PRSS12: variants seen among roughly 807,000 people sequenced by gnomAD.
PRSS12 encodes serine protease 12.
PRSS12 carries 85 observed loss-of-function variants against 104.4 expected under a neutral mutation model. The observed-to-expected ratio is 0.81, with a 90% CI of 0.68 to 0.98. PRSS12 has a LOEUF of 0.98. PRSS12 is among the 50% of genes least tolerant of loss of function. The probability of loss-of-function intolerance (pLI) is 0.00; values close to 1 mark genes in which losing one functional copy is unlikely to be tolerated. For missense variants in PRSS12, 1,141 were observed against 1,139.2 expected, an observed-to-expected ratio of 1.00 and a Z score of -0.02; for synonymous variants, 454 against 425.2, an observed-to-expected ratio of 1.07 and a Z score of -0.83.
intron 11 of PRSS12, among the ~76,000 whole-genome samples, chr4:118,294,157 A>AT (rs202036949): frequency 6.6e-6 from 1 of 152,234 alleles, no homozygotes; most frequent in African/African-American, 2.4e-5. Context: ...TGTGGTACAC[A>AT]TTTTTTTAAA....
intron 11 of PRSS12, among the ~76,000 whole-genome samples, chr4:118,292,377 C>G (rs577902680): frequency 3.0e-4 from 46 of 152,316 alleles, no homozygotes; most frequent in African/African-American, 1.0e-3. Flanking sequence ...AGATTTAGAG[C>G]AGGGGCTCAG....
intron 8 of PRSS12, among the ~76,000 whole-genome samples, chr4:118,301,427 G>A (rs948123117): frequency 1.3e-5 from 2 of 152,096 alleles, no homozygotes; most frequent in African/African-American, 4.8e-5. Flanking sequence ...AGCCACTGCT[G>A]CAGTGTCACT....
Position 118,352,240 on chromosome 4 carries a change from C to G in PRSS12, c.481G>C (p.Gly161Arg). 1 of 1,612,048 alleles carries G rather than the reference C, an allele frequency of 6.2e-7. No homozygotes were observed. ...YGDARGKVDW[G>R]YCDCRHGSVR... ...TAACCGTGTCTGCAGTCGCAGTAGC[C>G]CCAGTCCACCTTGCCACGGGCGTCT... Residue 161 changes from glycine (G) to arginine (R), a missense_variant, in exon 1 of 13, where the codon GGC becomes CGC. Physicochemically the swap from Gly to Arg is moderately radical, Grantham distance 125. Transcript: ENST00000296498.
chr4:118,321,551 G>A (rs1369065988), intron 4 of PRSS12, among the ~76,000 whole-genome samples: 2 of 152,158 alleles, frequency 1.3e-5, no homozygotes, highest in Non-Finnish European at 2.9e-5. Context: ...AACTTGCAGG[G>A]TTGTAGGAAT....
chr4:118,320,771 A>G (rs1355744669), intron 4 of PRSS12, among the ~76,000 whole-genome samples: 1 of 152,126 alleles, frequency 6.6e-6, no homozygotes, highest in African/African-American at 2.4e-5. Context: ...AATAATAATA[A>G]CAACAATATC....
rs1378193558 is a variant in PRSS12, at chr4:118,295,828, T to C, written c.1866A>G (p.Arg622=). ...KESLSSVCGL[R]LLHRRQKRII... is the part of the protein sequence containing the mutation. Reference sequence around the variant, plus strand: ...TCCGCTTCTGCCGACGGTGCAGTAATCTCAAGCCACAAACAGATGAGAGGG... The same window carrying C: ...TCCGCTTCTGCCGACGGTGCAGTAACCTCAAGCCACAAACAGATGAGAGGG... The change falls in exon 10 of 13, where the codon AGA becomes AGG. Residue 622 remains arginine (R), a synonymous_variant. Transcript: ENST00000296498. 6.2e-7 allele frequency: 1 copy of C among 1,614,098 alleles called. No homozygotes were observed. Among genetic ancestry groups the C allele is most frequent in the Admixed American group, 1.7e-5 (1 of 60,032 alleles).
rs559960991 is a variant in PRSS12, at chr4:118,287,448, C to A, written c.2040-4337G>T. On this transcript the variant is annotated intron_variant, in intron 11 of 12. Coordinates refer to ENST00000296498, the MANE Select transcript of PRSS12 (RefSeq NM_003619.4). The stretch of plus-strand genomic sequence containing the variant: ...TATAGGTACTGCACCCGGCCAAGTA[C>A]CTATACTTTTAAAGTTGTCCTAATT... Among the ~76,000 whole-genome samples, 7 of 152,290 alleles carry A rather than the reference C, an allele frequency of 4.6e-5. No individual in the cohort carries two copies. The South Asian group carries it at 1.0e-3, about 23-fold the overall frequency.
chr4:118,321,484 GTTACTAAAA>G (rs1164328103), intron 4 of PRSS12, among the ~76,000 whole-genome samples: 2 of 152,180 alleles, frequency 1.3e-5, no homozygotes, highest in African/African-American at 4.8e-5. Context: ...CCTTGGGGAA[GTTACTAAAA>G]CCTTCCAGGC....
At position 118,322,861 on chromosome 4, in the gene PRSS12, A is replaced by C. The variant is rs1578925798; in HGVS notation, c.972-4305T>G. 3.9e-5 allele frequency among the ~76,000 whole-genome samples: 6 copies of C among 151,990 alleles called. No homozygotes were observed. In the East Asian group the frequency reaches 1.2e-3, roughly 29 times the overall value. On this transcript the variant is annotated intron_variant, in intron 4 of 12. Coordinates refer to ENST00000296498, the MANE Select transcript of PRSS12 (RefSeq NM_003619.4). Reference sequence around the variant, plus strand: ...ACCTGTGCACCAAATCAGGTATGCTATCTGTTTTTATATTGCTTGTGAGCC... The same window carrying C: ...ACCTGTGCACCAAATCAGGTATGCTCTCTGTTTTTATATTGCTTGTGAGCC...
chr4:118,298,943 A>C lies in PRSS12; in HGVS notation c.1632-5T>G, dbSNP rs748483554. ...GTTCTTGCTCTGGCAGGACCCCTGA[A>C]GACAGAACATTCTTAATCATGTGAA... On this transcript the variant is annotated splice_region_variant and splice_polypyrimidine_tract_variant and intron_variant, in intron 8 of 12. Transcript: ENST00000296498. 1.9e-6 allele frequency: 3 copies of C among 1,614,028 alleles called. No individual in the cohort carries two copies. The highest frequency in any genetic ancestry group is 2.5e-6 in the Non-Finnish European group (3 of 1,179,906).
chr4:118,300,953 T>TTA (rs1261122694), intron 8 of PRSS12, among the ~76,000 whole-genome samples: 5 of 152,142 alleles, frequency 3.3e-5, no homozygotes, highest in South Asian at 2.1e-4. Context: ...CTTCTTACAA[T>TTA]TATATATATA....
At chr4:118,289,589 G>C (rs991637700) in intron 11 of PRSS12, among the ~76,000 whole-genome samples, 2 of 152,156 alleles carry the variant, frequency 1.3e-5, no homozygotes, top group East Asian at 1.9e-4. Context: ...CAGTGTTTCT[G>C]ATGATGAAAG....
intron 11 of PRSS12, among the ~76,000 whole-genome samples, chr4:118,286,228 G>C (rs1296909655): frequency 6.6e-6 from 1 of 152,062 alleles, no homozygotes; most frequent in African/African-American, 2.4e-5. Context: ...CCCAATCTAT[G>C]TGAAATTCAA....
chr4:118,303,880 C>G (rs901425824), intron 8 of PRSS12: 3 of 152,000 alleles, frequency 2.0e-5, no homozygotes, highest in Non-Finnish European at 4.4e-5. Flanking sequence ...TTGAAAGCCT[C>G]TAAAGGGGAC....
chr4:118,352,896 C>T lies in PRSS12; in HGVS notation c.-176G>A. ...TTGCCTCCCGCCGCTGGTGCCCTGC[C>T]GCGCCTCGGCTCCTGTCCCCTGGCG... On this transcript the variant is annotated 5_prime_UTR_variant, in exon 1 of 13. Transcript: ENST00000296498. 2.1e-6 allele frequency: 3 copies of T among 1,402,464 alleles called. No individual in the cohort carries two copies. The highest frequency in any genetic ancestry group is 1.5e-5 in the South Asian group (1 of 65,040). The allele number at this position is 1,402,464 out of a possible 1,614,324, so 86.9% of individuals were successfully genotyped here.
chr4:118,341,860 T>C (rs1245422207), intron 1 of PRSS12, among the ~76,000 whole-genome samples: 2 of 152,168 alleles, frequency 1.3e-5, no homozygotes, highest in Non-Finnish European at 2.9e-5. Context: ...GACCCTGAAA[T>C]ACAATAAGTA....
chr4:118,292,749 T>G (rs950796846), intron 11 of PRSS12, among the ~76,000 whole-genome samples: 34 of 152,270 alleles, frequency 2.2e-4, no homozygotes, highest in African/African-American at 7.5e-4. Flanking sequence ...GCCACTGTTA[T>G]GTAAAATACA....
At chr4:118,314,483 T>A (rs1468311260) in intron 6 of PRSS12, among the ~76,000 whole-genome samples, 1 of 152,174 alleles carries the variant, frequency 6.6e-6, no homozygotes, top group African/African-American at 2.4e-5. Context: ...TTTTAACTTA[T>A]AGACCATTTT....
intron 8 of PRSS12, among the ~76,000 whole-genome samples, chr4:118,307,292 C>T (rs1275462757): frequency 2.0e-5 from 3 of 152,038 alleles, no homozygotes; most frequent in Non-Finnish European, 4.4e-5. Flanking sequence ...GAAGTAGTAT[C>T]GAGTAACCAG....
Sources: allele counts gnomAD v4.1 joint callset (sites outside exome capture counted in the v4.1 genomes callset), GRCh38; gene constraint gnomAD v4.1.1; transcripts MANE v1.5; gene names NCBI Gene and HGNC (gene_info 2026-07-23, HGNC 2026-07-21).